CSMD3: variants seen among roughly 807,000 people sequenced by gnomAD.
CSMD3 encodes the protein CUB and Sushi multiple domains 3.
In CSMD3, 177 loss-of-function variants were observed where a neutral mutation model predicts 435.2. The observed-to-expected ratio is 0.41, with a 90% confidence interval of 0.36 to 0.46. CSMD3 has a LOEUF of 0.46. CSMD3 is among the 20% of genes least tolerant of loss of function. The pLI, the probability that CSMD3 is intolerant of heterozygous loss-of-function variation, is 0.34. For synonymous variants in CSMD3, 1,656 were observed against 1,520.5 expected, an observed-to-expected ratio of 1.09 and a Z score of -2.07; for missense variants, 4,265 against 4,504.6, an observed-to-expected ratio of 0.95 and a Z score of 1.52.
intron 3 of CSMD3, among the ~76,000 whole-genome samples, chr8:113,227,710 T>C (rs1236268064): frequency 6.6e-6 from 1 of 151,660 alleles, no homozygotes; most frequent in African/African-American, 2.4e-5. Context: ...ATGCTTGCTT[T>C]TCCTTCACGT....
chr8:112,783,118 T>G (rs1261344350), intron 13 of CSMD3, among the ~76,000 whole-genome samples: 1 of 151,938 alleles, frequency 6.6e-6, no homozygotes, highest in African/African-American at 2.4e-5. Flanking sequence ...CTTTCAAAAC[T>G]AATAACTACA....
intron 42 of CSMD3, among the ~76,000 whole-genome samples, chr8:112,337,976 G>C (rs1824738375): frequency 6.6e-6 from 1 of 152,070 alleles, no homozygotes; most frequent in Non-Finnish European, 1.5e-5. Flanking sequence ...TCACCTACTT[G>C]TGCAACCCAA....
At chr8:112,964,123 A>C (rs1016245786) in intron 7 of CSMD3, among the ~76,000 whole-genome samples, 1 of 151,904 alleles carries the variant, frequency 6.6e-6, no homozygotes, top group African/African-American at 2.4e-5. Flanking sequence ...CGCCCCTTTC[A>C]AAAAATGTAG....
chr8:112,601,662 T>G (rs1244579369), intron 22 of CSMD3, among the ~76,000 whole-genome samples: 1 of 152,092 alleles, frequency 6.6e-6, no homozygotes, highest in Non-Finnish European at 1.5e-5. Context: ...GGGATTGTGA[T>G]TGGCTGAGAA....
At chr8:113,234,006 A>G (rs534824033) in intron 3 of CSMD3, among the ~76,000 whole-genome samples, 3 of 152,238 alleles carry the variant, frequency 2.0e-5, no homozygotes, top group Non-Finnish European at 4.4e-5. Context: ...AGGGAACCTG[A>G]TACCTTTATA....
intron 23 of CSMD3, among the ~76,000 whole-genome samples, chr8:112,582,054 C>T (rs1037922496): frequency 6.6e-6 from 1 of 152,028 alleles, no homozygotes; most frequent in Non-Finnish European, 1.5e-5. Context: ...GAATGTGATT[C>T]CACTGTTGGA....
At chr8:112,321,949 C>G (rs965097864) in intron 45 of CSMD3, among the ~76,000 whole-genome samples, 3 of 151,916 alleles carry the variant, frequency 2.0e-5, no homozygotes, top group Non-Finnish European at 4.4e-5. Context: ...AAAGGGGGTA[C>G]AGTGATAAAG....
At chr8:113,159,336 TA>T (rs925687488) in intron 4 of CSMD3, among the ~76,000 whole-genome samples, 3 of 152,016 alleles carry the variant, frequency 2.0e-5, no homozygotes, top group Non-Finnish European at 4.4e-5. Context: ...TATTGGCCAA[TA>T]AAATATGTGT....
chr8:112,356,228 G>A (rs185220621), intron 38 of CSMD3, among the ~76,000 whole-genome samples: 3 of 152,086 alleles, frequency 2.0e-5, no homozygotes, highest in Non-Finnish European at 4.4e-5. Context: ...ACATGCACTC[G>A]TATGTTTATC....
intron 22 of CSMD3, among the ~76,000 whole-genome samples, chr8:112,633,884 A>AC (rs1440516368): frequency 6.6e-6 from 1 of 152,034 alleles, no homozygotes; most frequent in African/African-American, 2.4e-5. Context: ...AAAATTTAAA[A>AC]CCTCATCTGG....
chr8:112,829,567 A>T, intron 12 of CSMD3, 119 bp downstream of exon 12: 1 of 716,992 alleles, frequency 1.4e-6, no homozygotes, highest in Non-Finnish European at 2.6e-6. Context: ...ATAATAACTA[A>T]GTTACTGTGC....
Position 112,224,349 on chromosome 8 carries a change from A to G in CSMD3, c.*422T>C, listed in dbSNP as rs1227744656. On this transcript the variant is annotated 3_prime_UTR_variant, in exon 71 of 71. Coordinates refer to ENST00000297405, the MANE Select transcript of CSMD3 (RefSeq NM_198123.2). ...TTGTGGGCGTGATGTAGCTCAGGAC[A>G]GTTAAAGAGAAGTCAGTGATCTATT... The G allele has an allele frequency of 4.6e-6, 1 of 219,686 alleles. No homozygotes were observed. The highest frequency in any genetic ancestry group is 9.3e-6 in the Non-Finnish European group (1 of 107,372). 13.6% of individuals were successfully genotyped at this position (219,686 alleles called of 1,614,324 possible).
At chr8:113,179,337 GATTAT>G (rs1203580307) in intron 3 of CSMD3, among the ~76,000 whole-genome samples, 1 of 151,642 alleles carries the variant, frequency 6.6e-6, no homozygotes, top group Non-Finnish European at 1.5e-5. Context: ...AATTAGATGT[GATTAT>G]ATTATGATCT....
At chr8:113,303,726 T>TG (rs2093794124) in intron 2 of CSMD3, among the ~76,000 whole-genome samples, 1 of 135,922 alleles carries the variant, frequency 7.4e-6, no homozygotes, top group Admixed American at 8.0e-5. Context: ...AAGCTGAAAC[T>TG]GGATCCCTTC....
intron 42 of CSMD3, 100 bp downstream of exon 42, chr8:112,341,377 C>G (rs1027723285): frequency 6.7e-5 from 41 of 610,776 alleles, no homozygotes; most frequent in Non-Finnish European, 6.0e-5. Flanking sequence ...TTTTTTTTTT[C>G]TTTCTAAAAC....
chr8:112,648,106 C>A (rs1340317643), intron 19 of CSMD3, among the ~76,000 whole-genome samples: 2 of 152,126 alleles, frequency 1.3e-5, no homozygotes, highest in African/African-American at 4.8e-5. Flanking sequence ...CTAGGTCAAT[C>A]AAGTTTACAT....
At chr8:113,307,264 C>T (rs2132630217) in intron 2 of CSMD3, among the ~76,000 whole-genome samples, 1 of 152,174 alleles carries the variant, frequency 6.6e-6, no homozygotes, top group South Asian at 2.1e-4. Flanking sequence ...TGTCCAGAGG[C>T]AGCCAGCTAG....
At chr8:112,941,743 T>C (rs1474822013) in intron 9 of CSMD3, among the ~76,000 whole-genome samples, 1 of 151,722 alleles carries the variant, frequency 6.6e-6, no homozygotes, top group Non-Finnish European at 1.5e-5. Flanking sequence ...AGTTCAAATA[T>C]AATATGAAAT....
chr8:112,321,070 G>A (rs1380382345), intron 45 of CSMD3, among the ~76,000 whole-genome samples: 2 of 151,924 alleles, frequency 1.3e-5, no homozygotes, highest in Non-Finnish European at 2.9e-5. Context: ...CTTGATTGAA[G>A]TCTTTTTTTT....
Sources: gnomAD v4.1 joint callset for allele counts (sites outside exome capture counted in the v4.1 genomes callset) on GRCh38, gnomAD v4.1.1 for gene constraint, MANE v1.5 for transcripts, NCBI Gene and HGNC (gene_info 2026-07-23, HGNC 2026-07-21) for gene names.